The following PRKCA variants were observed in gnomAD, a reference collection of about 807,000 sequenced individuals.
PRKCA encodes the protein protein kinase C alpha type.
A neutral mutation model predicts 87.0 loss-of-function variants in PRKCA; 27 were observed. That is an observed-to-expected ratio of 0.31 (90% CI 0.23 to 0.43). PRKCA has a LOEUF of 0.43. PRKCA is among the 20% of genes least tolerant of loss of function. The pLI, the probability that PRKCA is intolerant of heterozygous loss-of-function variation, is 1.00. For synonymous variants in PRKCA, 329 were observed against 311.1 expected (o/e 1.06, Z -0.61); for missense variants, 518 against 852.3 (o/e 0.61, Z 4.88).
At chr17:66,778,833 A>T (rs1975131004) in intron 14 of PRKCA, among the ~76,000 whole-genome samples, 1 of 148,094 alleles carries the variant, frequency 6.8e-6, no homozygotes, top group Non-Finnish European at 1.5e-5. Context: ...TGAGAGAGTG[A>T]GACCCTGTCT....
intron 3 of PRKCA, among the ~76,000 whole-genome samples, chr17:66,526,781 A>G (rs1838399404): frequency 6.6e-6 from 1 of 152,182 alleles, no homozygotes. Context: ...GGAGCCAGTA[A>G]TGATATTCAC....
chr17:66,749,211 C>T (rs1434815863), intron 13 of PRKCA, among the ~76,000 whole-genome samples: 1 of 152,054 alleles, frequency 6.6e-6, no homozygotes, highest in East Asian at 1.9e-4. Context: ...CTTGGAGAAG[C>T]CAAAGCCTTC....
At chr17:66,419,947 C>T (rs1219598688) in intron 2 of PRKCA, among the ~76,000 whole-genome samples, 2 of 151,006 alleles carry the variant, frequency 1.3e-5, no homozygotes, top group East Asian at 1.9e-4. Context: ...AAACATAATG[C>T]GTCCTCAGTC....
intron 2 of PRKCA, among the ~76,000 whole-genome samples, chr17:66,479,933 A>G (rs1004416426): frequency 9.4e-5 from 14 of 149,196 alleles, no homozygotes; most frequent in Admixed American, 9.2e-4. Flanking sequence ...GTGTTGAAAC[A>G]ATCTGTACAG....
intron 14 of PRKCA, chr17:66,774,500 A>T (rs756630825): frequency 2.6e-5 from 18 of 679,498 alleles, no homozygotes; most frequent in Non-Finnish European, 3.4e-5. Context: ...GCACATCTGT[A>T]AACTCAGCTA....
chr17:66,630,655 G>A (rs995230232), intron 3 of PRKCA, among the ~76,000 whole-genome samples: 7 of 152,226 alleles, frequency 4.6e-5, no homozygotes, highest in Non-Finnish European at 1.0e-4. Context: ...TATATAACAT[G>A]AGTGAGAAAT....
intron 8 of PRKCA, among the ~76,000 whole-genome samples, chr17:66,710,996 TCG>T (rs1271723261): frequency 1.7e-4 from 26 of 151,938 alleles, no homozygotes; most frequent in Non-Finnish European, 3.5e-4. Flanking sequence ...TGAGCCGAGA[TCG>T]CACCATTGCA....
At chr17:66,685,183 G>A (rs1972593805) in intron 5 of PRKCA, among the ~76,000 whole-genome samples, 1 of 152,052 alleles carries the variant, frequency 6.6e-6, no homozygotes, top group Admixed American at 6.6e-5. Flanking sequence ...CATTTTCCAA[G>A]CCCCCAACCA....
At chr17:66,582,529 C>T (rs1969476926) in intron 3 of PRKCA, among the ~76,000 whole-genome samples, 1 of 152,164 alleles carries the variant, frequency 6.6e-6, no homozygotes, top group South Asian at 2.1e-4. Flanking sequence ...AGCTCTCTTG[C>T]CTGCCGCCAT....
chr17:66,445,379 C>G (rs894565924), intron 2 of PRKCA, among the ~76,000 whole-genome samples: 2 of 152,364 alleles, frequency 1.3e-5, no homozygotes, highest in East Asian at 3.9e-4. Flanking sequence ...CAGGCTGATC[C>G]TGACACTGGA....
intron 14 of PRKCA, among the ~76,000 whole-genome samples, chr17:66,783,462 G>A (rs575341057): frequency 6.6e-6 from 1 of 152,256 alleles, no homozygotes; most frequent in African/African-American, 2.4e-5. Flanking sequence ...AGACTTGACA[G>A]TAAAAGTCCT....
At chr17:66,554,289 T>G (rs2143246320) in intron 3 of PRKCA, among the ~76,000 whole-genome samples, 1 of 152,004 alleles carries the variant, frequency 6.6e-6, no homozygotes, top group Non-Finnish European at 1.5e-5. Flanking sequence ...AAAATAGCCT[T>G]GGACTTGTTC....
At chr17:66,730,982 G>C (rs62072410) in intron 8 of PRKCA, among the ~76,000 whole-genome samples, 25,332 of 152,188 alleles carry the variant, frequency 0.17, 2,607 homozygotes, top group South Asian at 0.26. Context: ...TAACCACCAA[G>C]GTGTTGACTG....
intron 2 of PRKCA, among the ~76,000 whole-genome samples, chr17:66,381,630 G>A (rs959254613): frequency 6.6e-6 from 1 of 152,150 alleles, no homozygotes; most frequent in Non-Finnish European, 1.5e-5. Context: ...GCCTATGAAT[G>A]TACTTATGTA....
intron 3 of PRKCA, among the ~76,000 whole-genome samples, chr17:66,549,541 G>C (rs767332752): frequency 6.6e-6 from 1 of 152,164 alleles, no homozygotes; most frequent in Non-Finnish European, 1.5e-5. Flanking sequence ...TGCCTGTGTC[G>C]TAGCCACCTG....
intron 2 of PRKCA, among the ~76,000 whole-genome samples, chr17:66,425,662 C>G (rs181832610): frequency 2.0e-5 from 3 of 152,152 alleles, no homozygotes; most frequent in Admixed American, 6.5e-5. Context: ...GCATGGAAAG[C>G]GATTTTAGCG....
At chr17:66,608,754 C>G (rs115686763) in intron 3 of PRKCA, among the ~76,000 whole-genome samples, 4,741 of 152,176 alleles carry the variant, frequency 0.031, 243 homozygotes, top group African/African-American at 0.11. Context: ...GAGGGAAGAG[C>G]GTAGAGCTAT....
At chr17:66,676,650 G>A (rs1005083608) in intron 5 of PRKCA, 6 of 152,294 alleles carry the variant, frequency 3.9e-5, no homozygotes, top group Non-Finnish European at 8.8e-5. Context: ...AACAAGGTGG[G>A]GTTGGCCAAT....
chr17:66,522,378 G>A (rs1156396220), intron 3 of PRKCA, among the ~76,000 whole-genome samples: 4 of 152,142 alleles, frequency 2.6e-5, no homozygotes, highest in African/African-American at 9.7e-5. Context: ...GTTTATCTCA[G>A]TTATGCTAGG....
Sources: gnomAD v4.1 joint callset for allele counts (sites outside exome capture counted in the v4.1 genomes callset) on GRCh38, gnomAD v4.1.1 for gene constraint, MANE v1.5 for transcripts, NCBI Gene and HGNC (gene_info 2026-07-23, HGNC 2026-07-21) for gene names.